Variants in PTPRN2 observed in about 807,000 individuals in gnomAD.
The protein encoded by PTPRN2 is receptor-type tyrosine-protein phosphatase N2.
Under a neutral mutation model 118.8 loss-of-function variants are expected in PTPRN2, and 74 were observed. That is an observed-to-expected ratio of 0.62 (90% CI 0.52 to 0.76). The LOEUF (loss-of-function observed/expected upper bound fraction) is 0.76. Among genes scored for constraint, PTPRN2 ranks in the 30% least tolerant of loss-of-function variants. The probability of loss-of-function intolerance (pLI) is 0.00; values close to 1 mark genes in which losing one functional copy is unlikely to be tolerated. For synonymous variants in PTPRN2, 641 were observed against 608.0 expected (o/e 1.05, Z -0.80); for missense variants, 1,481 against 1,394.4 (o/e 1.06, Z -0.99).
rs558999232 is a variant in PTPRN2, at chr7:157,738,651, C to T, written c.1789-55714G>A. On this transcript the variant is annotated intron_variant, in intron 12 of 22. Transcript: ENST00000389418. ...TATTTGACATTTTAGGCATTGAAGTCGTCATCACGGCTCATCACAGGAGAA... is the reference window on the plus strand; with the variant it reads ...TATTTGACATTTTAGGCATTGAAGTTGTCATCACGGCTCATCACAGGAGAA... Among the ~76,000 whole-genome samples the T allele has an allele frequency of 5.3e-5, 8 of 152,320 alleles. No homozygotes were observed. The South Asian group carries it at 1.0e-3, about 20-fold the overall frequency.
chr7:158,551,298 G>A (rs551486577), intron 1 of PTPRN2, among the ~76,000 whole-genome samples: 3 of 152,222 alleles, frequency 2.0e-5, no homozygotes, highest in African/African-American at 4.8e-5. Flanking sequence ...AGCCACTCTC[G>A]TGACCTCACC....
intron 11 of PTPRN2, among the ~76,000 whole-genome samples, chr7:158,080,842 GTC>G (rs1563406042): frequency 6.6e-6 from 1 of 152,174 alleles, no homozygotes; most frequent in Non-Finnish European, 1.5e-5. Context: ...ACTTTGTGGT[GTC>G]TCTGCCCACC....
intron 3 of PTPRN2, among the ~76,000 whole-genome samples, chr7:158,293,314 C>T (rs1563096453): frequency 6.6e-6 from 1 of 152,074 alleles, no homozygotes; most frequent in Non-Finnish European, 1.5e-5. Flanking sequence ...CGGTGACTCA[C>T]GCCTATAATC....
chr7:158,012,069 T>C (rs1806086534), intron 11 of PTPRN2, among the ~76,000 whole-genome samples: 1 of 152,176 alleles, frequency 6.6e-6, no homozygotes, highest in South Asian at 2.1e-4. Flanking sequence ...GATCCCGAGT[T>C]TGTAGGAGAG....
intron 2 of PTPRN2, among the ~76,000 whole-genome samples, chr7:158,360,075 C>CG (rs1808753719): frequency 1.5e-5 from 1 of 68,932 alleles, no homozygotes; most frequent in African/African-American, 6.2e-5. Flanking sequence ...ACAGACCCCA[C>CG]ATCCACCCTC....
intron 11 of PTPRN2, among the ~76,000 whole-genome samples, chr7:157,943,026 C>T (rs1800244150): frequency 6.6e-6 from 1 of 152,204 alleles, no homozygotes; most frequent in Non-Finnish European, 1.5e-5. Flanking sequence ...GTGTGCACAG[C>T]AGGAGGGCCG....
chr7:158,037,956 G>A (rs1808201007), intron 11 of PTPRN2, among the ~76,000 whole-genome samples: 1 of 152,210 alleles, frequency 6.6e-6, no homozygotes, highest in Non-Finnish European at 1.5e-5. Context: ...GACACATGGA[G>A]TGCATGATGT....
chr7:158,132,960 AAC>A (rs767889893), intron 9 of PTPRN2, among the ~76,000 whole-genome samples: 11 of 152,250 alleles, frequency 7.2e-5, no homozygotes, highest in South Asian at 2.1e-4. Flanking sequence ...ACTTGAAGAA[AAC>A]ACAACACTTG....
intron 11 of PTPRN2, among the ~76,000 whole-genome samples, chr7:157,930,066 C>T (rs998029498): frequency 2.0e-5 from 3 of 152,172 alleles, no homozygotes; most frequent in Admixed American, 6.5e-5. Flanking sequence ...CACTGTTTTT[C>T]GGAGCCTGTT....
chr7:158,066,186 T>C (rs1329515616), intron 11 of PTPRN2, among the ~76,000 whole-genome samples: 3 of 152,222 alleles, frequency 2.0e-5, no homozygotes, highest in Non-Finnish European at 4.4e-5. Flanking sequence ...AAAATAAGAC[T>C]CCGTCAGCAA....
chr7:158,513,309 T>C (rs774299267), intron 1 of PTPRN2, among the ~76,000 whole-genome samples: 4 of 152,100 alleles, frequency 2.6e-5, no homozygotes, highest in Non-Finnish European at 5.9e-5. Context: ...GTCAGGGTCC[T>C]CAAAGCCAAG....
At chr7:158,201,485 C>T (rs1466299493) in intron 4 of PTPRN2, among the ~76,000 whole-genome samples, 1 of 152,154 alleles carries the variant, frequency 6.6e-6, no homozygotes, top group Non-Finnish European at 1.5e-5. Flanking sequence ...CCTTGCAATA[C>T]CTGGAAATTG....
At chr7:157,680,891 C>T (rs1315164600) in intron 13 of PTPRN2, among the ~76,000 whole-genome samples, 5 of 152,150 alleles carry the variant, frequency 3.3e-5, no homozygotes, top group East Asian at 1.9e-4. Flanking sequence ...TTAAACAAAC[C>T]GGAGCTCATT....
At chr7:157,565,597 C>A (rs1280088147) in intron 21 of PTPRN2, among the ~76,000 whole-genome samples, 1 of 152,206 alleles carries the variant, frequency 6.6e-6, no homozygotes, top group South Asian at 2.1e-4. Flanking sequence ...GGGAGTGAAG[C>A]CTGACCCCAC....
At chr7:157,688,735 C>T (rs1372364907) in intron 12 of PTPRN2, among the ~76,000 whole-genome samples, 1 of 152,186 alleles carries the variant, frequency 6.6e-6, no homozygotes, top group Non-Finnish European at 1.5e-5. Context: ...ACCCGCCTAG[C>T]GTCGCTTGTC....
At position 157,929,128 on chromosome 7, in the gene PTPRN2, C is replaced by T. The variant is rs547599042; in HGVS notation, c.1724-30391G>A. Among the ~76,000 whole-genome samples the T allele has an allele frequency of 2.5e-4, 38 of 152,282 alleles. No homozygotes were observed. The South Asian group carries it at 7.5e-3, about 30-fold the overall frequency. ...CAGTGAAACGGTGAGACCATTCCTTCCACCCTTGTGTTTCCCTGGCATATG... is the reference window on the plus strand; with the variant it reads ...CAGTGAAACGGTGAGACCATTCCTTTCACCCTTGTGTTTCCCTGGCATATG... On this transcript the variant is annotated intron_variant, in intron 11 of 22. Coordinates refer to ENST00000389418, the MANE Select transcript of PTPRN2 (RefSeq NM_002847.5). This position sits in a 1 kb window ranked among gnomAD's most constrained non-coding sequence, Gnocchi z 4.4.
intron 2 of PTPRN2, among the ~76,000 whole-genome samples, chr7:158,330,924 C>G (rs1264310592): frequency 8.8e-6 from 1 of 113,328 alleles, no homozygotes; most frequent in African/African-American, 3.3e-5. Context: ...AGACGTCACT[C>G]ACACCCACAC....
At chr7:158,097,110 C>T (rs1207687478) in intron 10 of PTPRN2, among the ~76,000 whole-genome samples, 3 of 152,194 alleles carry the variant, frequency 2.0e-5, no homozygotes, top group African/African-American at 7.2e-5. Context: ...ATCCCCTATG[C>T]ATGGGGACAA....
chr7:158,193,574 A>G (rs1298388419), intron 4 of PTPRN2, among the ~76,000 whole-genome samples: 1 of 151,412 alleles, frequency 6.6e-6, no homozygotes, highest in Non-Finnish European at 1.5e-5. Context: ...GTCCCCCTTT[A>G]CCCTCAGCTG....
Sources: gnomAD v4.1 joint callset for allele counts (sites outside exome capture counted in the v4.1 genomes callset) on GRCh38, gnomAD v4.1.1 for gene constraint, Gnocchi (gnomAD v3.1) non-coding constraint, MANE v1.5 for transcripts, NCBI Gene and HGNC (gene_info 2026-07-23, HGNC 2026-07-21) for gene names.